Variants in KLHL1 observed in about 807,000 individuals in gnomAD.
KLHL1 encodes kelch like family member 1, also known as kelch-like protein 1.
A neutral mutation model predicts 77.7 loss-of-function variants in KLHL1; 47 were observed. That is an observed-to-expected ratio of 0.60 (90% CI 0.48 to 0.77). The LOEUF (loss-of-function observed/expected upper bound fraction) is 0.77. Ranked by LOEUF, KLHL1 falls within the 30% of genes least tolerant of loss-of-function variation. KLHL1 has a pLI of 0.00. For synonymous variants in KLHL1, 360 were observed against 325.2 expected, an observed-to-expected ratio of 1.11 and a Z score of -1.15; for missense variants, 925 against 910.8, an observed-to-expected ratio of 1.02 and a Z score of -0.20.
At chr13:69,754,717 C>G (rs1171646366) in intron 7 of KLHL1, among the ~76,000 whole-genome samples, 1 of 152,144 alleles carries the variant, frequency 6.6e-6, no homozygotes, top group Non-Finnish European at 1.5e-5. Flanking sequence ...CCATGTTTAA[C>G]ATTCTCTCTG....
At chr13:69,960,080 C>CT (rs985902516) in intron 3 of KLHL1, among the ~76,000 whole-genome samples, 2 of 138,788 alleles carry the variant, frequency 1.4e-5, no homozygotes, top group Non-Finnish European at 3.1e-5. Flanking sequence ...CACATTGCTG[C>CT]TTTGAGATTA....
chr13:69,786,134 G>A (rs1012540407), intron 7 of KLHL1, among the ~76,000 whole-genome samples: 3 of 152,034 alleles, frequency 2.0e-5, no homozygotes, highest in African/African-American at 7.2e-5. Flanking sequence ...AGAAAAAGAG[G>A]GAATCCTCCC....
At chr13:70,106,122 A>G (rs1311409085) in intron 1 of KLHL1, among the ~76,000 whole-genome samples, 1 of 151,682 alleles carries the variant, frequency 6.6e-6, no homozygotes, top group Non-Finnish European at 1.5e-5. Flanking sequence ...ATATAATTTT[A>G]TCTATTCTTT....
chr13:70,059,547 T>C (rs1211433859), intron 1 of KLHL1, among the ~76,000 whole-genome samples: 1 of 152,164 alleles, frequency 6.6e-6, no homozygotes, highest in Non-Finnish European at 1.5e-5. Context: ...CATATTGAGT[T>C]AAAATGTTTT....
chr13:70,086,103 A>C (rs1409324618), intron 1 of KLHL1, among the ~76,000 whole-genome samples: 2 of 152,168 alleles, frequency 1.3e-5, no homozygotes, highest in Non-Finnish European at 2.9e-5. Context: ...ATGTACCTAC[A>C]GTGGAATCTC....
At chr13:70,010,746 G>C (rs1885513713) in intron 1 of KLHL1, among the ~76,000 whole-genome samples, 2 of 151,740 alleles carry the variant, frequency 1.3e-5, no homozygotes, top group South Asian at 4.2e-4. Context: ...TAAAAAATTA[G>C]CTGGGTGTGG....
chr13:69,715,523 TTA>T (rs199748781), intron 9 of KLHL1, among the ~76,000 whole-genome samples: 1,403 of 4,944 alleles, frequency 0.28, 20 homozygotes, highest in African/African-American at 0.36. Context: ...GTTTTATTAT[TTA>T]TTTTTTTTTT....
chr13:69,939,180 G>A (rs1883272117), intron 4 of KLHL1, among the ~76,000 whole-genome samples: 1 of 150,452 alleles, frequency 6.6e-6, no homozygotes, highest in South Asian at 2.1e-4. Flanking sequence ...TAATATGATG[G>A]GTATGAGACT....
chr13:70,026,038 T>A (rs1000590867), intron 1 of KLHL1, among the ~76,000 whole-genome samples: 1 of 152,142 alleles, frequency 6.6e-6, no homozygotes, highest in Non-Finnish European at 1.5e-5. Context: ...CCCTGCTCAC[T>A]GCAGGGACAT....
At chr13:69,945,627 C>A (rs1469063854) in intron 3 of KLHL1, among the ~76,000 whole-genome samples, 2 of 152,086 alleles carry the variant, frequency 1.3e-5, no homozygotes, top group Non-Finnish European at 2.9e-5. Flanking sequence ...TTTATACAGA[C>A]ATCCCACAAA....
At chr13:69,724,726 A>C (rs751681446) in intron 8 of KLHL1, among the ~76,000 whole-genome samples, 3 of 152,160 alleles carry the variant, frequency 2.0e-5, no homozygotes, top group Non-Finnish European at 4.4e-5. Context: ...CACCACATGA[A>C]TAAAGGATAA....
intron 7 of KLHL1, among the ~76,000 whole-genome samples, chr13:69,745,540 TA>T (rs1184680056): frequency 6.6e-6 from 1 of 151,898 alleles, no homozygotes; most frequent in Non-Finnish European, 1.5e-5. Context: ...GCAGAAAAAA[TA>T]TTTTTTTAAA....
intron 2 of KLHL1, among the ~76,000 whole-genome samples, chr13:69,968,683 G>GA (rs1884292337): frequency 6.6e-6 from 1 of 152,094 alleles, no homozygotes; most frequent in South Asian, 2.1e-4. Context: ...ACAGACTGCA[G>GA]AATGGAGCAG....
chr13:69,946,517 T>C (rs1328083603), intron 3 of KLHL1, among the ~76,000 whole-genome samples: 1 of 151,924 alleles, frequency 6.6e-6, no homozygotes, highest in Non-Finnish European at 1.5e-5. Context: ...TTTGTTCTCC[T>C]TTTTTTTCTT....
rs11313559 is a variant in KLHL1 at position 69,825,989 on chromosome 13, GAA to G, written c.1414+12985_1414+12986del. Among the ~76,000 whole-genome samples the G allele has an allele frequency of 4.5e-3, 691 of 152,090 alleles. 12 individuals are homozygous for G. Among genetic ancestry groups the G allele is most frequent in the African/African-American group, 0.016 (660 of 41,472 alleles). ...TATGGCCTAGAAATACTTACTTACA[GAA>G]AAAAAAAGATTTATTTATTTTGTGT... is the stretch of plus-strand genomic sequence containing the variant. On this transcript the variant is annotated intron_variant, in intron 6 of 10. Coordinates refer to ENST00000377844, the MANE Select transcript of KLHL1 (RefSeq NM_020866.3).
rs80032158 is a variant in KLHL1, at chr13:69,894,961, A to G, written c.1015-12466T>C. On this transcript the variant is annotated intron_variant, in intron 4 of 10. Transcript: ENST00000377844. Reference sequence around the variant, plus strand: ...CAGCAGATCCTTGTCTACAAATGACAGAATGCTGATGTAGTGTTCTGAGCT... The same window carrying G: ...CAGCAGATCCTTGTCTACAAATGACGGAATGCTGATGTAGTGTTCTGAGCT... The G allele has an allele frequency of 7.4e-5, 35 of 475,040 alleles. No individual in the cohort carries two copies. The East Asian group carries it at 1.9e-3, about 25-fold the overall frequency. The allele number at this position is 475,040 out of a possible 1,614,324, so 29.4% of individuals were successfully genotyped here.
In KLHL1 at chr13:70,107,607, G is replaced by A; in HGVS notation, c.93C>T (p.Gly31=). 1 of 1,592,630 alleles carries A rather than the reference G, an allele frequency of 6.3e-7. No individual in the cohort carries two copies. Among genetic ancestry groups the A allele is most frequent in the South Asian group, 1.1e-5 (1 of 87,234 alleles). Reference sequence around the variant, plus strand: ...GTTGCAGGCAGCCTCCCCCCGCCGGGCCGCCGGTGGAAGGAGACGGGTGGC... The same window carrying A: ...GTTGCAGGCAGCCTCCCCCCGCCGGACCGCCGGTGGAAGGAGACGGGTGGC... ...LFSHPSPSTG[G]PAGGGCLQQD... Residue 31 remains glycine (G), a synonymous_variant, in exon 1 of 11, where the codon GGC becomes GGT. Coordinates refer to ENST00000377844, the MANE Select transcript of KLHL1 (RefSeq NM_020866.3).
intron 7 of KLHL1, among the ~76,000 whole-genome samples, chr13:69,749,014 T>C (rs1593794868): frequency 2.0e-5 from 3 of 152,052 alleles, no homozygotes; most frequent in Admixed American, 2.0e-4. Context: ...ATTCACACTT[T>C]ATGCTTCCAC....
chr13:69,824,708 G>T (rs1231536126), intron 6 of KLHL1, among the ~76,000 whole-genome samples: 2 of 152,098 alleles, frequency 1.3e-5, no homozygotes, highest in Non-Finnish European at 2.9e-5. Flanking sequence ...ACTAACGTAG[G>T]TTGAAAAAAT....
Sources: gnomAD v4.1 joint callset for allele counts (sites outside exome capture counted in the v4.1 genomes callset) on GRCh38, gnomAD v4.1.1 for gene constraint, MANE v1.5 for transcripts, NCBI Gene and HGNC (gene_info 2026-07-23, HGNC 2026-07-21) for gene names.